Variants in VPS50 observed in about 807,000 individuals in gnomAD.
The protein encoded by VPS50 is VPS50 subunit of EARP/GARPII complex, also known as syndetin.
A neutral mutation model predicts 139.7 loss-of-function variants in VPS50; 70 were observed. That is an observed-to-expected ratio of 0.50 (90% CI 0.41 to 0.61). The LOEUF (loss-of-function observed/expected upper bound fraction) is 0.61. VPS50 is among the 20% of genes least tolerant of loss of function. VPS50 has a pLI of 0.00. For missense variants in VPS50, 921 were observed against 1,133.7 expected (o/e 0.81, Z 2.69); for synonymous variants, 365 against 376.7 (o/e 0.97, Z 0.36).
intron 11 of VPS50, chr7:93,275,926 A>G: frequency 2.3e-6 from 1 of 439,870 alleles, no homozygotes; most frequent in Non-Finnish European, 4.1e-6. Flanking sequence ...TAAATAAAGA[A>G]CAACAGAGCA....
At chr7:93,259,711 A>T in intron 9 of VPS50, 79 bp downstream of exon 9, 1 of 739,306 alleles carries the variant, frequency 1.4e-6, no homozygotes. Flanking sequence ...GTTAATAAAC[A>T]TTGAAAATTA....
chr7:93,242,858 G>A (rs1352354461), intron 2 of VPS50, among the ~76,000 whole-genome samples: 1 of 151,904 alleles, frequency 6.6e-6, no homozygotes, highest in African/African-American at 2.4e-5. Flanking sequence ...GGAGAAAAAT[G>A]TTAGGATAAA....
At chr7:93,266,320 A>G (rs1281252550) in intron 9 of VPS50, among the ~76,000 whole-genome samples, 2 of 152,194 alleles carry the variant, frequency 1.3e-5, no homozygotes, top group Non-Finnish European at 2.9e-5. Flanking sequence ...GCCCACCTTT[A>G]TGTAGGAAAC....
intron 25 of VPS50, among the ~76,000 whole-genome samples, chr7:93,351,352 T>A (rs1410394969): frequency 2.0e-5 from 3 of 152,174 alleles, no homozygotes; most frequent in African/African-American, 4.8e-5. Flanking sequence ...TTATAAATAA[T>A]GATACCCCTT....
chr7:93,238,367 A>G (rs1794881826), intron 1 of VPS50, among the ~76,000 whole-genome samples: 1 of 151,824 alleles, frequency 6.6e-6, no homozygotes, highest in African/African-American at 2.4e-5. Context: ...CATGGGAACA[A>G]TGCGCTAATT....
At position 93,356,023 on chromosome 7, in the gene VPS50, T is replaced by C. The variant is rs894469405; in HGVS notation, c.2718T>C (p.Tyr906=). ...PIPDKEFVET[Y]IKAYYLTEND... ...CTGATAAAGAATTTGTAGAAACTTA[T>C]ATTAAAGCTTATTACCTAACTGAGA... is the stretch of plus-strand genomic sequence containing the variant. The change falls in exon 27 of 28, where the codon TAT becomes TAC. Residue 906 remains tyrosine, a synonymous_variant. Coordinates refer to ENST00000305866, the MANE Select transcript of VPS50 (RefSeq NM_017667.4). 6 of 1,571,222 alleles carry C rather than the reference T, an allele frequency of 3.8e-6. No homozygotes were observed. Among genetic ancestry groups the C allele is most frequent in the African/African-American group, 2.7e-5 (2 of 74,146 alleles).
At chr7:93,267,860 A>C (rs1270928195) in intron 9 of VPS50, among the ~76,000 whole-genome samples, 3 of 152,152 alleles carry the variant, frequency 2.0e-5, no homozygotes. Context: ...AGGCATTAAG[A>C]AGTCTATGTG....
At position 93,311,253 on chromosome 7, in the gene VPS50, G is replaced by A. The variant is rs1450184972; in HGVS notation, c.1836G>A (p.Leu612=). The change falls in exon 20 of 28, where the codon TTG becomes TTA. Residue 612 remains leucine (L), a synonymous_variant. Transcript: ENST00000305866. The part of the protein sequence containing the change: ...VNAPILTNTT[L]NVIRLVGKYM... The stretch of plus-strand genomic sequence containing the variant: ...CACCTATCTTAACAAATACAACATT[G>A]AACGTCATAAGACTTGTTGGTAAGT... The A allele has an allele frequency of 8.0e-7, 1 of 1,244,884 alleles. No homozygotes were observed. The highest frequency in any genetic ancestry group is 1.2e-6 in the Non-Finnish European group (1 of 843,674). The allele number at this position is 1,244,884 out of a possible 1,614,324, so 77.1% of individuals were successfully genotyped here.
rs1223093955 is a variant in VPS50, at chr7:93,323,984, A to G, written c.1977+252A>G. Among the ~76,000 whole-genome samples, 3 of 152,212 alleles carry G rather than the reference A, an allele frequency of 2.0e-5. No individual in the cohort carries two copies. The East Asian group carries it at 5.8e-4, about 29-fold the overall frequency. On this transcript the variant is annotated intron_variant, in intron 21 of 27. Coordinates refer to ENST00000305866, the MANE Select transcript of VPS50 (RefSeq NM_017667.4). ...TGCAACATCTGTTTCTAACCTTGAC[A>G]TATTTTGGCAATGAAAAATGTGCAG... is the stretch of plus-strand genomic sequence containing the variant.
At chr7:93,247,373 C>T (rs1312666136) in intron 2 of VPS50, among the ~76,000 whole-genome samples, 5 of 152,070 alleles carry the variant, frequency 3.3e-5, no homozygotes, top group African/African-American at 1.2e-4. Context: ...CATGCAGACT[C>T]TCCCTTGTGA....
intron 12 of VPS50, among the ~76,000 whole-genome samples, chr7:93,289,455 C>T (rs965126391): frequency 6.6e-6 from 1 of 151,880 alleles, no homozygotes; most frequent in Non-Finnish European, 1.5e-5. Context: ...GAATATTTTA[C>T]AGAGTTGTCA....
intron 2 of VPS50, among the ~76,000 whole-genome samples, chr7:93,244,662 T>C (rs1360814500): frequency 6.6e-6 from 1 of 151,886 alleles, no homozygotes; most frequent in African/African-American, 2.4e-5. Context: ...GATTTGCATA[T>C]TGGTGTCTGT....
At chr7:93,238,535 G>A (rs985331057) in intron 1 of VPS50, among the ~76,000 whole-genome samples, 12 of 152,104 alleles carry the variant, frequency 7.9e-5, no homozygotes, top group African/African-American at 2.9e-4. Flanking sequence ...GGAAGAGAAA[G>A]ATATATTTAA....
intron 23 of VPS50, among the ~76,000 whole-genome samples, chr7:93,342,018 G>A (rs1052242997): frequency 7.2e-5 from 11 of 152,194 alleles, no homozygotes; most frequent in South Asian, 4.1e-4. Flanking sequence ...AGCTCCCAGC[G>A]TGAACGACAC....
chr7:93,350,591 A>AG (rs1443723260), intron 25 of VPS50, among the ~76,000 whole-genome samples: 1 of 152,168 alleles, frequency 6.6e-6, no homozygotes, highest in Non-Finnish European at 1.5e-5. Context: ...CTGTGAATTC[A>AG]GGAACTTATG....
chr7:93,303,124 T>A (rs1177169719), intron 16 of VPS50, among the ~76,000 whole-genome samples: 2 of 151,976 alleles, frequency 1.3e-5, no homozygotes, highest in African/African-American at 4.8e-5. Context: ...CATCAATATA[T>A]AATCAGCTAA....
At chr7:93,342,900 C>G (rs1427415015) in intron 23 of VPS50, among the ~76,000 whole-genome samples, 1 of 152,122 alleles carries the variant, frequency 6.6e-6, no homozygotes, top group Non-Finnish European at 1.5e-5. Flanking sequence ...GAGCAGAAAA[C>G]CTGGAAACTC....
intron 5 of VPS50, 93 bp from the exon 6 acceptor site, chr7:93,257,301 T>G: frequency 1.5e-6 from 1 of 684,196 alleles, no homozygotes; most frequent in South Asian, 1.8e-5. Context: ...AGGTTTTCTT[T>G]GCATCTGACT....
In VPS50 at chr7:93,257,394, G is replaced by C; in HGVS notation, c.352G>C (p.Glu118Gln). ...ILEKQPAYVK[E>Q]LERVTSLQTG... ...TAACCTGTACCTAATCTTCCCATAG[G>C]AACTTGAAAGAGTTACCTCATTGCA... Residue 118 changes from glutamate to glutamine, a missense_variant and splice_region_variant, in exon 6 of 28, where the codon GAA (glutamate) becomes CAA (glutamine). Physicochemically the swap from Glu to Gln is conservative, Grantham distance 29. Around this residue, in one of 3 missense-constraint regions of VPS50, gnomAD observed 744 missense variants for 930.6 expected, o/e 0.80. Transcript: ENST00000305866. 1 of 1,576,392 alleles carries C rather than the reference G, an allele frequency of 6.3e-7. No individual in the cohort carries two copies. Among genetic ancestry groups the C allele is most frequent in the Non-Finnish European group, 8.7e-7 (1 of 1,147,484 alleles).
Sources: allele counts gnomAD v4.1 joint callset (sites outside exome capture counted in the v4.1 genomes callset), GRCh38; gene constraint gnomAD v4.1.1; regional missense constraint gnomAD v4.1.1; transcripts MANE v1.5; gene names NCBI Gene and HGNC (gene_info 2026-07-23, HGNC 2026-07-21).